Variants in PTPRD observed in about 807,000 individuals in gnomAD.
PTPRD encodes receptor-type tyrosine-protein phosphatase delta.
A neutral mutation model predicts 214.5 loss-of-function variants in PTPRD; 34 were observed. The ratio of observed to expected loss-of-function variants is 0.16; its 90% CI spans 0.12 to 0.21. PTPRD has a LOEUF of 0.21. PTPRD is among the 10% of genes least tolerant of loss of function. The pLI is 1.00. For synonymous variants in PTPRD, 1,128 were observed against 845.7 expected (o/e 1.33, Z -5.79); for missense variants, 2,545 against 2,398.7 (o/e 1.06, Z -1.27).
intron 37 of PTPRD, among the ~76,000 whole-genome samples, chr9:8,378,504 G>A (rs761009835): frequency 5.3e-5 from 8 of 152,072 alleles, no homozygotes; most frequent in Non-Finnish European, 1.2e-4. Context: ...TCTCCCAGCA[G>A]AGGACAAGAG....
chr9:9,990,733 G>T (rs1005587861), intron 4 of PTPRD, among the ~76,000 whole-genome samples: 15 of 152,164 alleles, frequency 9.9e-5, no homozygotes, highest in African/African-American at 3.6e-4. Context: ...TGGCAAAATG[G>T]CATTTGCTTA....
At position 8,592,017 on chromosome 9, in the gene PTPRD, T is replaced by C. The variant is rs368299214; in HGVS notation, c.352+41300A>G. 9.2e-5 allele frequency among the ~76,000 whole-genome samples: 14 copies of C among 152,328 alleles called. No homozygotes were observed. The East Asian group carries it at 9.6e-4, about 10-fold the overall frequency. ...ATTCCAGTCCAGCCTTGTAATCGCA[T>C]ATATTTATTAAAATAACTTTGAAAT... On this transcript the variant is annotated intron_variant, in intron 14 of 45. Coordinates refer to ENST00000381196, the MANE Select transcript of PTPRD (RefSeq NM_002839.4).
intron 3 of PTPRD, among the ~76,000 whole-genome samples, chr9:10,190,385 A>AG (rs1418675951): frequency 4.2e-3 from 171 of 40,752 alleles, no homozygotes; most frequent in African/African-American, 0.018. Context: ...CTCTATCTCC[A>AG]GAAAAAAAAA....
intron 8 of PTPRD, among the ~76,000 whole-genome samples, chr9:9,472,023 T>C (rs1409307711): frequency 6.6e-6 from 1 of 152,148 alleles, no homozygotes; most frequent in Non-Finnish European, 1.5e-5. Context: ...CCTACTTATG[T>C]ATCAAATATT....
chr9:8,852,094 C>T (rs1237600341), intron 11 of PTPRD, among the ~76,000 whole-genome samples: 1 of 152,058 alleles, frequency 6.6e-6, no homozygotes, highest in Non-Finnish European at 1.5e-5. Flanking sequence ...TACTTGTGAT[C>T]CAATCATTAC....
chr9:10,128,452 C>T (rs866001364), intron 3 of PTPRD, among the ~76,000 whole-genome samples: 1 of 152,066 alleles, frequency 6.6e-6, no homozygotes, highest in African/African-American at 2.4e-5. Flanking sequence ...GGAACACCAA[C>T]GACTGACAGC....
chr9:9,741,644 G>A (rs376169424), intron 6 of PTPRD, among the ~76,000 whole-genome samples: 23 of 152,136 alleles, frequency 1.5e-4, no homozygotes, highest in African/African-American at 4.6e-4. Flanking sequence ...TGTGATGTTC[G>A]CCTCCCTGCG....
rs545345498 is a variant in PTPRD, at chr9:10,383,256, C to A, written c.-599-42239G>T. ...TTATCAGATAAAATGTAACTGTTTT[C>A]AAACACTAGTTAAACATCAAGGACC... On this transcript the variant is annotated intron_variant, in intron 2 of 45. Coordinates refer to ENST00000381196, the MANE Select transcript of PTPRD (RefSeq NM_002839.4). Among the ~76,000 whole-genome samples, 3 of 151,962 alleles carry A rather than the reference C, an allele frequency of 2.0e-5. No homozygotes were observed. The East Asian group carries it at 5.8e-4, about 30-fold the overall frequency.
intron 2 of PTPRD, among the ~76,000 whole-genome samples, chr9:10,345,289 T>C (rs1346028832): frequency 6.6e-6 from 1 of 152,192 alleles, no homozygotes; most frequent in Non-Finnish European, 1.5e-5. Context: ...TAAATTTTGT[T>C]ATTATACTTT....
At chr9:10,096,581 G>C (rs1191441934) in intron 3 of PTPRD, among the ~76,000 whole-genome samples, 1 of 151,772 alleles carries the variant, frequency 6.6e-6, no homozygotes, top group South Asian at 2.1e-4. Context: ...CTTTTTGATG[G>C]GGTTTTTTGT....
intron 14 of PTPRD, among the ~76,000 whole-genome samples, chr9:8,611,185 G>A (rs924916688): frequency 2.0e-5 from 3 of 152,136 alleles, no homozygotes; most frequent in Non-Finnish European, 4.4e-5. Flanking sequence ...TGTAAAGTAA[G>A]AAAATAACCA....
chr9:9,290,731 A>G (rs1192399221), intron 9 of PTPRD, among the ~76,000 whole-genome samples: 1 of 151,610 alleles, frequency 6.6e-6, no homozygotes, highest in Non-Finnish European at 1.5e-5. Context: ...AGCATGAACA[A>G]TGAAAGTTAA....
intron 2 of PTPRD, among the ~76,000 whole-genome samples, chr9:10,442,955 T>A (rs73408131): frequency 0.09 from 13,649 of 151,452 alleles, 1,042 homozygotes; most frequent in African/African-American, 0.2. Flanking sequence ...ATGAATGTAT[T>A]CACACATGTC....
intron 4 of PTPRD, among the ~76,000 whole-genome samples, chr9:9,960,322 GGT>G (rs1171076663): frequency 6.6e-6 from 1 of 151,786 alleles, no homozygotes; most frequent in Admixed American, 6.6e-5. Context: ...ATAAATAAGA[GGT>G]GATGAGGAAA....
intron 3 of PTPRD, among the ~76,000 whole-genome samples, chr9:10,041,982 C>A (rs2097303961): frequency 6.6e-6 from 1 of 152,030 alleles, no homozygotes; most frequent in Non-Finnish European, 1.5e-5. Flanking sequence ...AGTAAAGCAG[C>A]ATCTGCAGTA....
At chr9:9,987,552 C>G (rs908900921) in intron 4 of PTPRD, among the ~76,000 whole-genome samples, 1 of 152,080 alleles carries the variant, frequency 6.6e-6, no homozygotes, top group Non-Finnish European at 1.5e-5. Flanking sequence ...CGGGAAAGAC[C>G]TGCCCCGACA....
intron 3 of PTPRD, among the ~76,000 whole-genome samples, chr9:10,084,985 A>T (rs1461223871): frequency 6.6e-6 from 1 of 151,940 alleles, no homozygotes; most frequent in Non-Finnish European, 1.5e-5. Context: ...CCATATCATG[A>T]TTTGAAGTAG....
At position 10,407,047 on chromosome 9, in the gene PTPRD, A is replaced by G. The variant is rs1407024779; in HGVS notation, c.-599-66030T>C. 5.3e-5 allele frequency among the ~76,000 whole-genome samples: 8 copies of G among 151,628 alleles called. No individual in the cohort carries two copies. The Admixed American group carries it at 5.3e-4, about 10-fold the overall frequency. On this transcript the variant is annotated intron_variant, in intron 2 of 45. Transcript: ENST00000381196. The stretch of plus-strand genomic sequence containing the variant: ...TTCCTATAGTATTTTCTTAATGTTT[A>G]CTTACAAACCCATCAAATAAATATT...
At chr9:9,805,727 A>G (rs2099068932) in intron 5 of PTPRD, among the ~76,000 whole-genome samples, 2 of 152,118 alleles carry the variant, frequency 1.3e-5, no homozygotes, top group African/African-American at 2.4e-5. Flanking sequence ...ATGGTACCTA[A>G]TTACTCTATT....
Sources: gnomAD v4.1 joint callset for allele counts (sites outside exome capture counted in the v4.1 genomes callset) on GRCh38, gnomAD v4.1.1 for gene constraint, MANE v1.5 for transcripts, NCBI Gene and HGNC (gene_info 2026-07-23, HGNC 2026-07-21) for gene names.